PDE4D: variants seen among roughly 807,000 people sequenced by gnomAD.
PDE4D encodes 3',5'-cyclic-AMP phosphodiesterase 4D.
In PDE4D, 24 loss-of-function variants were observed where a neutral mutation model predicts 87.4. The ratio of observed to expected loss-of-function variants is 0.27; its 90% CI spans 0.20 to 0.39. The LOEUF (loss-of-function observed/expected upper bound fraction) is 0.39, where lower values mean the gene tolerates loss of function less well. Among genes scored for constraint, PDE4D ranks in the 10% least tolerant of loss-of-function variants. The pLI is 1.00. For synonymous variants in PDE4D, 384 were observed against 383.2 expected (o/e 1.00, Z -0.02); for missense variants, 714 against 1,041.0 (o/e 0.69, Z 4.32).
Position 59,552,510 on chromosome 5 carries a change from G to A in PDE4D, c.456-336542C>T, listed in dbSNP as rs148217694. ...ATATTACATACAAATATTATGTTAC[G>A]TCTTATTGCTTATAACTAAGCTGAC... On this transcript the variant is annotated intron_variant, in intron 1 of 14. Coordinates refer to ENST00000340635, the MANE Select transcript of PDE4D (RefSeq NM_001104631.2). Among the ~76,000 whole-genome samples, 12 of 151,568 alleles carry A rather than the reference G, an allele frequency of 7.9e-5. No individual in the cohort carries two copies. The East Asian group carries it at 1.6e-3, about 20-fold the overall frequency.
At chr5:59,329,501 C>G (rs902421878) in intron 1 of PDE4D, among the ~76,000 whole-genome samples, 4 of 152,110 alleles carry the variant, frequency 2.6e-5, no homozygotes, top group African/African-American at 9.7e-5. Flanking sequence ...CACTGAAGTC[C>G]TTAAATACAT....
intron 2 of PDE4D, among the ~76,000 whole-genome samples, chr5:60,104,838 AC>A (rs1776688171): frequency 6.6e-6 from 1 of 152,198 alleles, no homozygotes; most frequent in African/African-American, 2.4e-5. Flanking sequence ...AACAGAAAGG[AC>A]ATCCACACCC....
intron 1 of PDE4D, among the ~76,000 whole-genome samples, chr5:60,428,668 C>A (rs1043436651): frequency 6.6e-6 from 1 of 152,142 alleles, no homozygotes. Context: ...TTACTTCTCA[C>A]GATGATATAA....
intron 1 of PDE4D, among the ~76,000 whole-genome samples, chr5:60,506,446 A>T (rs1304660718): frequency 6.6e-6 from 1 of 152,244 alleles, no homozygotes; most frequent in Non-Finnish European, 1.5e-5. Flanking sequence ...TATTCCATGA[A>T]TGCTTCCTCT....
chr5:59,590,984 A>C (rs1033506621), intron 1 of PDE4D, among the ~76,000 whole-genome samples: 3 of 152,154 alleles, frequency 2.0e-5, no homozygotes, highest in African/African-American at 7.2e-5. Flanking sequence ...GAAGGTTTTC[A>C]AACTAAGTTT....
chr5:59,914,363 C>T (rs182134326), intron 3 of PDE4D, among the ~76,000 whole-genome samples: 1 of 152,020 alleles, frequency 6.6e-6, no homozygotes, highest in African/African-American at 2.4e-5. Context: ...TCAGGAAAGT[C>T]CTCTCTGTTG....
chr5:59,462,786 T>C (rs947104900), intron 1 of PDE4D, among the ~76,000 whole-genome samples: 9 of 152,166 alleles, frequency 5.9e-5, no homozygotes, highest in African/African-American at 2.2e-4. Context: ...GTGTCTTTCA[T>C]ATGTACTATT....
chr5:58,995,516 G>A (rs145895061), intron 6 of PDE4D, among the ~76,000 whole-genome samples: 65 of 152,242 alleles, frequency 4.3e-4, no homozygotes, highest in African/African-American at 1.5e-3. Flanking sequence ...ATTTTCTTGA[G>A]TAAATTATGG....
At chr5:58,990,003 C>G in intron 9 of PDE4D, 84 bp from the exon 10 acceptor site, 1 of 791,614 alleles carries the variant, frequency 1.3e-6, no homozygotes, top group South Asian at 1.7e-5. Context: ...AAAAATCACA[C>G]ACCAGTGTTG....
rs114280289 is a variant in PDE4D at position 59,239,267 on chromosome 5, T to C, written c.456-23299A>G. On this transcript the variant is annotated intron_variant, in intron 1 of 14. Transcript: ENST00000340635. ...GTGTTCTTCAACATCTTTCATAGCT[T>C]TGGCAACACTGATCACGTTGCTGAA... Among the ~76,000 whole-genome samples, 1,105 of 152,306 alleles carry C rather than the reference T, an allele frequency of 7.3e-3. 18 individuals carry two copies. Among genetic ancestry groups the C allele is most frequent in the African/African-American group, 0.025 (1,046 of 41,580 alleles).
chr5:59,722,548 T>C lies in PDE4D; in HGVS notation c.455+170620A>G, dbSNP rs1189297634. On this transcript the variant is annotated intron_variant, in intron 1 of 14. Transcript: ENST00000340635. ...TCTTTCCATGTTCCTATGATAGTTATATTTATTCTGGATTTCCTATGTCTT... is the reference window on the plus strand; with the variant it reads ...TCTTTCCATGTTCCTATGATAGTTACATTTATTCTGGATTTCCTATGTCTT... 3.3e-5 allele frequency among the ~76,000 whole-genome samples: 5 copies of C among 152,196 alleles called. No homozygotes were observed. In the East Asian group the frequency reaches 9.6e-4, roughly 29 times the overall value.
chr5:59,196,758 G>A (rs1019577634), intron 2 of PDE4D, among the ~76,000 whole-genome samples: 1 of 152,028 alleles, frequency 6.6e-6, no homozygotes, highest in Admixed American at 6.6e-5. Flanking sequence ...TTTTCAATAG[G>A]TGTATATACT....
intron 2 of PDE4D, among the ~76,000 whole-genome samples, chr5:60,025,810 A>T (rs1561993264): frequency 6.6e-6 from 1 of 152,178 alleles, no homozygotes; most frequent in Non-Finnish European, 1.5e-5. Flanking sequence ...ACTGCATTCA[A>T]TCAGTTGAAC....
intron 1 of PDE4D, 49 bp downstream of exon 1, chr5:59,893,119 G>A (rs1751203931): frequency 2.7e-6 from 4 of 1,499,468 alleles, no homozygotes; most frequent in East Asian, 5.3e-5. Context: ...TTTGAGAAAA[G>A]GGGAGGTGAC....
rs187230996 is a variant in PDE4D, at chr5:59,244,325, G to C, written c.456-28357C>G. On this transcript the variant is annotated intron_variant, in intron 1 of 14. Coordinates refer to ENST00000340635, the MANE Select transcript of PDE4D (RefSeq NM_001104631.2). Reference sequence around the variant, plus strand: ...AGGTACAAGAATCACTTGAACCCAGGAGACGTAGGTTTCAGTGAGCCAAGA... The same window carrying C: ...AGGTACAAGAATCACTTGAACCCAGCAGACGTAGGTTTCAGTGAGCCAAGA... Among the ~76,000 whole-genome samples the C allele has an allele frequency of 1.9e-4, 29 of 152,032 alleles. No individual in the cohort carries two copies. In the East Asian group the frequency reaches 5.6e-3, roughly 30 times the overall value.
At chr5:60,204,425 T>G (rs953733953) in intron 1 of PDE4D, among the ~76,000 whole-genome samples, 2 of 152,214 alleles carry the variant, frequency 1.3e-5, no homozygotes, top group East Asian at 1.9e-4. Flanking sequence ...CTGAAAGAGC[T>G]CTATACGAAT....
chr5:59,101,747 A>G (rs1351328308), intron 5 of PDE4D, among the ~76,000 whole-genome samples: 1 of 152,030 alleles, frequency 6.6e-6, no homozygotes, highest in Non-Finnish European at 1.5e-5. Flanking sequence ...TACCAGTCCA[A>G]TAAGACAAAA....
intron 1 of PDE4D, among the ~76,000 whole-genome samples, chr5:59,496,843 C>T (rs548105869): frequency 5.3e-4 from 81 of 152,194 alleles, no homozygotes; most frequent in African/African-American, 1.5e-3. Context: ...CTGAAAGAGA[C>T]CACTTTTGGG....
intron 3 of PDE4D, among the ~76,000 whole-genome samples, chr5:59,191,798 T>G (rs2153485469): frequency 6.6e-6 from 1 of 152,266 alleles, no homozygotes; most frequent in African/African-American, 2.4e-5. Flanking sequence ...CTCGAACTCC[T>G]GACCTCAGGT....
Sources: allele counts gnomAD v4.1 joint callset (sites outside exome capture counted in the v4.1 genomes callset), GRCh38; gene constraint gnomAD v4.1.1; transcripts MANE v1.5; gene names NCBI Gene and HGNC (gene_info 2026-07-23, HGNC 2026-07-21).